The following RAB31 variants were observed in gnomAD, a reference collection of about 807,000 sequenced individuals.
The protein encoded by RAB31 is RAB31, member RAS oncogene family.
RAB31 carries 21 observed loss-of-function variants against 25.6 expected under a neutral mutation model. That is an observed-to-expected ratio of 0.82 (90% CI 0.58 to 1.18). The LOEUF (loss-of-function observed/expected upper bound fraction) is 1.18. Among genes scored for constraint, RAB31 ranks in the 50% most tolerant of loss-of-function variants. The pLI, the probability that RAB31 is intolerant of heterozygous loss-of-function variation, is 0.00. For synonymous variants in RAB31, 87 were observed against 84.0 expected (o/e 1.04, Z -0.20); for missense variants, 196 against 250.1 (o/e 0.78, Z 1.46).
chr18:9,729,044 A>G (rs577395645), intron 1 of RAB31, among the ~76,000 whole-genome samples: 2 of 152,146 alleles, frequency 1.3e-5, no homozygotes, highest in South Asian at 2.1e-4. Context: ...TAATCTTTGT[A>G]TATTAAGAAG....
At chr18:9,790,406 T>G (rs367965321) in intron 2 of RAB31, among the ~76,000 whole-genome samples, 37 of 72,428 alleles carry the variant, frequency 5.1e-4, no homozygotes, top group Non-Finnish European at 1.3e-3. Context: ...AAAAAAAAAA[T>G]TTTTTTTTTT....
chr18:9,750,019 C>T (rs2145477902), intron 1 of RAB31, among the ~76,000 whole-genome samples: 1 of 152,310 alleles, frequency 6.6e-6, no homozygotes, highest in Non-Finnish European at 1.5e-5. Flanking sequence ...CTGAACTCAG[C>T]TCCAGATTGA....
At chr18:9,792,323 TG>T in intron 3 of RAB31, 88 bp downstream of exon 3, 2 of 1,496,354 alleles carry the variant, frequency 1.3e-6, no homozygotes. Context: ...ACAAGACTCT[TG>T]GTTGCAGGTG....
chr18:9,852,098 A>G (rs1280345758), intron 6 of RAB31, among the ~76,000 whole-genome samples: 1 of 152,150 alleles, frequency 6.6e-6, no homozygotes, highest in African/African-American at 2.4e-5. Context: ...TTTATTATGT[A>G]AAATTTCAAA....
intron 3 of RAB31, among the ~76,000 whole-genome samples, chr18:9,802,681 G>T (rs2068520120): frequency 6.6e-6 from 1 of 152,206 alleles, no homozygotes; most frequent in African/African-American, 2.4e-5. Context: ...GCAAGTGACT[G>T]CCAGTCTGCA....
At chr18:9,782,410 T>C (rs1052081757) in intron 2 of RAB31, among the ~76,000 whole-genome samples, 2 of 152,352 alleles carry the variant, frequency 1.3e-5, no homozygotes, top group South Asian at 2.1e-4. Context: ...TACAATGCCA[T>C]GGGCTGTAAA....
intron 1 of RAB31, among the ~76,000 whole-genome samples, chr18:9,739,301 C>T (rs2068165816): frequency 6.6e-6 from 1 of 151,970 alleles, no homozygotes; most frequent in South Asian, 2.1e-4. Flanking sequence ...GGTGAAACTC[C>T]GTCTCTACTA....
chr18:9,833,122 G>A (rs796723268), intron 5 of RAB31, among the ~76,000 whole-genome samples: 11 of 152,248 alleles, frequency 7.2e-5, no homozygotes, highest in African/African-American at 2.4e-4. Flanking sequence ...CCCAGGAATC[G>A]AAAAAAGACA....
At position 9,721,095 on chromosome 18, in the gene RAB31, A is replaced by C. The variant is rs115605812; in HGVS notation, c.39+12651A>C. On this transcript the variant is annotated intron_variant, in intron 1 of 6. Coordinates refer to ENST00000578921, the MANE Select transcript of RAB31 (RefSeq NM_006868.4). The stretch of plus-strand genomic sequence containing the variant: ...CCATTCTCTGATTTCCTATTCCTCA[A>C]AATGGGGTCTAGGAAAGTTATGAGC... 4.0e-3 allele frequency among the ~76,000 whole-genome samples: 602 copies of C among 152,192 alleles called. 4 individuals are homozygous for C. The highest frequency in any genetic ancestry group is 0.013 in the African/African-American group (551 of 41,528).
chr18:9,848,926 C>T (rs1677538265), intron 6 of RAB31, among the ~76,000 whole-genome samples: 1 of 152,134 alleles, frequency 6.6e-6, no homozygotes, highest in Non-Finnish European at 1.5e-5. Context: ...AATATGTTAT[C>T]TTTTTAAAGA....
chr18:9,751,338 A>G (rs1654878888), intron 1 of RAB31, among the ~76,000 whole-genome samples: 1 of 152,216 alleles, frequency 6.6e-6, no homozygotes, highest in East Asian at 1.9e-4. Context: ...TCAGTCAGTT[A>G]TAAAGCTAGA....
At chr18:9,817,415 G>C (rs2284142) in intron 5 of RAB31, among the ~76,000 whole-genome samples, 13,202 of 152,132 alleles carry the variant, frequency 0.087, 823 homozygotes, top group East Asian at 0.31. Context: ...TAATCCACAT[G>C]GTAAAAACAG....
intron 1 of RAB31, among the ~76,000 whole-genome samples, chr18:9,719,321 AT>A (rs1265724893): frequency 5.9e-5 from 5 of 84,212 alleles, no homozygotes; most frequent in East Asian, 5.0e-4. Flanking sequence ...ATATATATAT[AT>A]ATATATAAAT....
At chr18:9,798,289 C>T (rs964396463) in intron 3 of RAB31, among the ~76,000 whole-genome samples, 26 of 152,310 alleles carry the variant, frequency 1.7e-4, no homozygotes, top group African/African-American at 6.3e-4. Flanking sequence ...TATCCTTGGG[C>T]TGTCCTTGTC....
At chr18:9,821,269 C>T (rs2143089778) in intron 5 of RAB31, among the ~76,000 whole-genome samples, 1 of 152,032 alleles carries the variant, frequency 6.6e-6, no homozygotes, top group South Asian at 2.1e-4. Context: ...ATGGTCTGTC[C>T]TGGGGAATGT....
At chr18:9,744,043 T>A (rs139917641) in intron 1 of RAB31, among the ~76,000 whole-genome samples, 1 of 152,386 alleles carries the variant, frequency 6.6e-6, no homozygotes, top group East Asian at 1.9e-4. Context: ...GTTTGCATTT[T>A]TATTTAGCGG....
intron 1 of RAB31, among the ~76,000 whole-genome samples, chr18:9,764,533 C>T (rs1001841978): frequency 2.6e-5 from 4 of 152,176 alleles, no homozygotes; most frequent in African/African-American, 9.7e-5. Flanking sequence ...CTCTCCTCCC[C>T]TTGACAAAGG....
intron 6 of RAB31, among the ~76,000 whole-genome samples, chr18:9,855,292 A>T (rs2068810093): frequency 1.3e-5 from 2 of 152,208 alleles, no homozygotes; most frequent in Admixed American, 1.3e-4. Flanking sequence ...ACAGCATCTT[A>T]CAAAATCCAA....
At chr18:9,812,568 G>GT (rs776755956) in intron 3 of RAB31, among the ~76,000 whole-genome samples, 13 of 151,242 alleles carry the variant, frequency 8.6e-5, no homozygotes, top group South Asian at 4.2e-4. Context: ...AATTGAACAT[G>GT]TTTTAAAATA....
Sources: gnomAD v4.1 joint callset for allele counts (sites outside exome capture counted in the v4.1 genomes callset) on GRCh38, gnomAD v4.1.1 for gene constraint, MANE v1.5 for transcripts, NCBI Gene and HGNC (gene_info 2026-07-23, HGNC 2026-07-21) for gene names.